Variants in TMPRSS11F observed in about 807,000 individuals in gnomAD.
TMPRSS11F encodes the protein transmembrane serine protease 11F.
Under a neutral mutation model 60.2 loss-of-function variants are expected in TMPRSS11F, and 47 were observed. That is an observed-to-expected ratio of 0.78 (90% CI 0.62 to 1.00). TMPRSS11F has a LOEUF of 1.00. TMPRSS11F is among the 50% of genes least tolerant of loss of function. TMPRSS11F has a pLI of 0.00. For synonymous variants in TMPRSS11F, 166 were observed against 167.3 expected (o/e 0.99, Z 0.06); for missense variants, 519 against 522.9 (o/e 0.99, Z 0.07).
chr4:68,082,084 A>G (rs1420682740), intron 3 of TMPRSS11F, among the ~76,000 whole-genome samples: 1 of 152,118 alleles, frequency 6.6e-6, no homozygotes, highest in African/African-American at 2.4e-5. Context: ...GTTGATAGAG[A>G]GGCAATGCAG....
Position 68,053,436 on chromosome 4 carries a change from G to C in TMPRSS11F, c.*473C>G, listed in dbSNP as rs550003437. On this transcript the variant is annotated 3_prime_UTR_variant, in exon 10 of 10. Coordinates refer to ENST00000356291, the MANE Select transcript of TMPRSS11F (RefSeq NM_207407.2). ...GTTCAAGTCATAATGCAAATCCCAT[G>C]CTTCTCCATTCTTGCACACTGAAGG... The C allele has an allele frequency of 6.5e-6, 1 of 153,132 alleles. No homozygotes were observed. The highest frequency in any genetic ancestry group is 1.9e-4 in the East Asian group (1 of 5,194). The allele number at this position is 153,132 out of a possible 1,614,324, so 9.5% of individuals were successfully genotyped here. A position where few individuals can be genotyped will look rare whatever the true frequency, so the allele number is the denominator to read the frequency against.
At chr4:68,061,556 A>C (rs1470552013) in intron 8 of TMPRSS11F, among the ~76,000 whole-genome samples, 1 of 152,234 alleles carries the variant, frequency 6.6e-6, no homozygotes, top group Non-Finnish European at 1.5e-5. Flanking sequence ...TTTGGATGCT[A>C]CCTGCTTTAG....
chr4:68,104,592 C>G (rs564839227), intron 1 of TMPRSS11F, among the ~76,000 whole-genome samples: 68 of 152,282 alleles, frequency 4.5e-4, no homozygotes, highest in African/African-American at 1.6e-3. Flanking sequence ...GGCTCCCCAG[C>G]CCTGCAGAAC....
At chr4:68,105,225 T>G (rs772574438) in intron 1 of TMPRSS11F, among the ~76,000 whole-genome samples, 5 of 152,056 alleles carry the variant, frequency 3.3e-5, no homozygotes, top group Non-Finnish European at 7.4e-5. Flanking sequence ...GATAAAATTG[T>G]GTTTGTTATT....
intron 1 of TMPRSS11F, among the ~76,000 whole-genome samples, chr4:68,105,049 GTTTTTTTTT>G (rs34041075): frequency 7.3e-5 from 4 of 55,166 alleles, no homozygotes; most frequent in African/African-American, 1.5e-4. Context: ...TTCCCTCTAG[GTTTTTTTTT>G]TTTTTTTTTT....
intron 3 of TMPRSS11F, among the ~76,000 whole-genome samples, chr4:68,084,521 G>A (rs1277206586): frequency 2.0e-5 from 3 of 152,088 alleles, no homozygotes; most frequent in Non-Finnish European, 2.9e-5. Context: ...CATCCTTAAA[G>A]AAAAGAAATT....
chr4:68,113,549 C>A (rs4860280), intron 1 of TMPRSS11F, among the ~76,000 whole-genome samples: 143,700 of 152,220 alleles, frequency 0.94, 68,394 homozygotes, highest in East Asian at 1. Flanking sequence ...GATGATATGT[C>A]ATTATAAAAG....
intron 7 of TMPRSS11F, among the ~76,000 whole-genome samples, chr4:68,065,449 G>A (rs1723306069): frequency 6.6e-6 from 1 of 152,052 alleles, no homozygotes; most frequent in South Asian, 2.1e-4. Flanking sequence ...ATATACAAGG[G>A]CTAACTAATC....
intron 9 of TMPRSS11F, among the ~76,000 whole-genome samples, chr4:68,055,039 G>A (rs1387840645): frequency 1.3e-5 from 2 of 152,168 alleles, no homozygotes; most frequent in African/African-American, 4.8e-5. Context: ...CAAGGGAAGT[G>A]GGGGTTAGGT....
intron 9 of TMPRSS11F, among the ~76,000 whole-genome samples, chr4:68,058,795 G>A (rs951284265): frequency 2.6e-5 from 4 of 152,148 alleles, no homozygotes; most frequent in Non-Finnish European, 4.4e-5. Flanking sequence ...GGGAAACACT[G>A]GGGGATAGTA....
chr4:68,125,199 G>C (rs941947226), intron 1 of TMPRSS11F, among the ~76,000 whole-genome samples: 5 of 151,100 alleles, frequency 3.3e-5, no homozygotes, highest in Non-Finnish European at 7.4e-5. Context: ...ATATTTTTAT[G>C]TTATATTTTA....
At chr4:68,107,241 C>T (rs1172146878) in intron 1 of TMPRSS11F, among the ~76,000 whole-genome samples, 2 of 152,142 alleles carry the variant, frequency 1.3e-5, no homozygotes, top group African/African-American at 4.8e-5. Flanking sequence ...GTTCCAGACA[C>T]TAATTTAGTT....
intron 2 of TMPRSS11F, among the ~76,000 whole-genome samples, chr4:68,094,521 A>C (rs552279605): frequency 6.9e-4 from 103 of 150,012 alleles, no homozygotes; most frequent in Admixed American, 1.4e-3. Context: ...GCACATTGTG[A>C]ACATGTACCC....
rs59501311 is a variant in TMPRSS11F at position 68,091,515 on chromosome 4, C to T, written c.164-874G>A. ...TGAGTTTCAATTCTACATCAACTGA[C>T]TTCAGAAGACTGCTTATTGCACATT... On this transcript the variant is annotated intron_variant, in intron 2 of 9. Transcript: ENST00000356291. 9.0e-3 allele frequency among the ~76,000 whole-genome samples: 1,374 copies of T among 152,192 alleles called. 24 individuals are homozygous for T. The highest frequency in any genetic ancestry group is 0.031 in the African/African-American group (1,305 of 41,510).
rs192284455 is a variant in TMPRSS11F at position 68,110,911 on chromosome 4, T to C, written c.12-11873A>G. ...CTTGTCTTTAAAAATAAAATGGCTA[T>C]AGCAGGAGTCCAATGATGGAAATGG... On this transcript the variant is annotated intron_variant, in intron 1 of 9. Transcript: ENST00000356291. Among the ~76,000 whole-genome samples the C allele has an allele frequency of 2.6e-5, 4 of 152,290 alleles. No homozygotes were observed. The East Asian group carries it at 5.8e-4, about 22-fold the overall frequency.
chr4:68,122,232 T>C (rs1251405079), intron 1 of TMPRSS11F, among the ~76,000 whole-genome samples: 1 of 152,166 alleles, frequency 6.6e-6, no homozygotes, highest in African/African-American at 2.4e-5. Flanking sequence ...AATGTAAGTA[T>C]TAAACTTTGT....
At chr4:68,062,319 G>A (rs1342352547) in intron 8 of TMPRSS11F, 2 of 450,124 alleles carry the variant, frequency 4.4e-6, no homozygotes, top group Non-Finnish European at 8.6e-6. Flanking sequence ...GTTTAACAAT[G>A]ATAATGTACG....
intron 8 of TMPRSS11F, chr4:68,061,969 A>G (rs1723188342): frequency 2.2e-6 from 1 of 452,328 alleles, no homozygotes; most frequent in Non-Finnish European, 4.4e-6. Context: ...ATTTAGTGCT[A>G]TAGAGAGGAA....
At chr4:68,087,874 C>T (rs1436016080) in intron 3 of TMPRSS11F, among the ~76,000 whole-genome samples, 1 of 113,584 alleles carries the variant, frequency 8.8e-6, no homozygotes, top group African/African-American at 3.4e-5. Context: ...CCCCCCTCCC[C>T]CCACCCCACA....
Sources: allele counts gnomAD v4.1 joint callset (sites outside exome capture counted in the v4.1 genomes callset), GRCh38; gene constraint gnomAD v4.1.1; transcripts MANE v1.5; gene names NCBI Gene and HGNC (gene_info 2026-07-23, HGNC 2026-07-21).